The following DBF4 variants were observed in gnomAD, a reference collection of about 807,000 sequenced individuals.
The protein encoded by DBF4 is DBF4-CDC7 kinase regulatory subunit.
DBF4 carries 25 observed loss-of-function variants against 76.6 expected under a neutral mutation model. That is an observed-to-expected ratio of 0.33 (90% CI 0.24 to 0.46). The LOEUF (loss-of-function observed/expected upper bound fraction) is 0.46, where lower values mean the gene tolerates loss of function less well. Ranked by LOEUF, DBF4 falls within the 20% of genes least tolerant of loss-of-function variation. DBF4 has a pLI of 1.00. For synonymous variants in DBF4, 213 were observed against 258.0 expected, an observed-to-expected ratio of 0.83 and a Z score of 1.67; for missense variants, 638 against 760.8, an observed-to-expected ratio of 0.84 and a Z score of 1.90.
At position 87,895,874 on chromosome 7, in the gene DBF4, C is replaced by T. The variant is rs534006492; in HGVS notation, c.598-600C>T. Among the ~76,000 whole-genome samples the T allele has an allele frequency of 1.2e-4, 18 of 152,286 alleles. No individual in the cohort carries two copies. In the South Asian group the frequency reaches 3.5e-3, roughly 30 times the overall value. ...GAAAAGAAAATAATACAGGGATTCT[C>T]TTGGTATTTTTGGCCACTTGAACCT... On this transcript the variant is annotated intron_variant, in intron 6 of 11. Transcript: ENST00000265728.
chr7:87,908,778 A>T lies in DBF4; in HGVS notation c.*615A>T, dbSNP rs1839971203. The stretch of plus-strand genomic sequence containing the variant: ...ATTTTTAATTACTTACCTTGTAAAT[A>T]ACTTTAATAATATTCAAAAGTTGAC... On this transcript the variant is annotated 3_prime_UTR_variant, in exon 12 of 12. Transcript: ENST00000265728. 1.3e-5 allele frequency: 2 copies of T among 152,170 alleles called. No homozygotes were observed. Among genetic ancestry groups the T allele is most frequent in the South Asian group, 4.1e-4 (2 of 4,826 alleles). The allele number at this position is 152,170 out of a possible 1,614,324, so 9.4% of individuals were successfully genotyped here.
chr7:87,883,336 T>C (rs1839262491), intron 2 of DBF4, among the ~76,000 whole-genome samples: 1 of 152,160 alleles, frequency 6.6e-6, no homozygotes, highest in Non-Finnish European at 1.5e-5. Flanking sequence ...GGAAAAGTTA[T>C]AGAAATGTTT....
chr7:87,894,783 T>C (rs1021498260), intron 6 of DBF4, among the ~76,000 whole-genome samples: 1 of 152,224 alleles, frequency 6.6e-6, no homozygotes, highest in Non-Finnish European at 1.5e-5. Flanking sequence ...GTTACTCAAA[T>C]TGGTATTCAT....
At chr7:87,906,030 T>C (rs765793098) in intron 11 of DBF4, among the ~76,000 whole-genome samples, 26 of 151,440 alleles carry the variant, frequency 1.7e-4, no homozygotes, top group Non-Finnish European at 3.4e-4. Flanking sequence ...TGGTGGCACA[T>C]GCCTGTAGTC....
At position 87,897,295 on chromosome 7, in the gene DBF4, A is replaced by G. The variant is rs1412216739; in HGVS notation, c.636A>G (p.Thr212=). 2 of 1,611,826 alleles carry G rather than the reference A, an allele frequency of 1.2e-6. No homozygotes were observed. The highest frequency in any genetic ancestry group is 1.1e-5 in the South Asian group (1 of 90,802). The change falls in exon 8 of 12, where the codon ACA becomes ACG. Residue 212 remains threonine, a splice_region_variant and synonymous_variant. Coordinates refer to ENST00000265728, the MANE Select transcript of DBF4 (RefSeq NM_006716.4). The part of the protein sequence containing the change: ...RVGSGAQKTR[T]GRLKKPFVKV... ...TAATATGTTTTCTATGTTCTCAAGC[A>G]GGAAGACTCAAAAAGCCTTTTGTAA... is the stretch of plus-strand genomic sequence containing the variant.
chr7:87,876,863 C>T, intron 1 of DBF4, 85 bp downstream of exon 1: 1 of 1,464,382 alleles, frequency 6.8e-7, no homozygotes, highest in South Asian at 1.2e-5. Flanking sequence ...ACTTCTCCCG[C>T]CGGGTCCTCA....
intron 3 of DBF4, 131 bp from the exon 4 acceptor site, chr7:87,886,713 C>T: frequency 1.6e-6 from 1 of 619,744 alleles, no homozygotes; most frequent in Non-Finnish European, 2.8e-6. Flanking sequence ...ACTACAAAAC[C>T]AAAGAGGTCA....
chr7:87,898,615 C>T (rs562730775), intron 8 of DBF4, among the ~76,000 whole-genome samples: 20 of 151,940 alleles, frequency 1.3e-4, no homozygotes, highest in African/African-American at 4.6e-4. Flanking sequence ...TACGGTGAAA[C>T]CCTGTCTCTA....
At chr7:87,883,181 G>C (rs951991336) in intron 2 of DBF4, among the ~76,000 whole-genome samples, 1 of 151,966 alleles carries the variant, frequency 6.6e-6, no homozygotes, top group African/African-American at 2.4e-5. Flanking sequence ...AGTTACAAAA[G>C]AACAAATGTA....
Position 87,907,388 on chromosome 7 carries a change from C to T in DBF4, c.1250C>T (p.Pro417Leu). The change falls in exon 12 of 12, where the codon CCC (proline) becomes CTC (leucine). Residue 417 changes from proline to leucine, a missense_variant. Pro to Leu is a moderately conservative substitution (Grantham distance 98). Transcript: ENST00000265728. The stretch of plus-strand genomic sequence containing the variant: ...CTCCTGTTTATTTCAGAGCCCATCC[C>T]CCACCCTTCAAATGAATTGAGAGGG... ...KKLLFISEPI[P>L]HPSNELRGLN... is the part of the protein sequence containing the mutation. The T allele has an allele frequency of 6.2e-7, 1 of 1,614,004 alleles. No homozygotes were observed. The highest frequency in any genetic ancestry group is 8.5e-7 in the Non-Finnish European group (1 of 1,179,944).
At chr7:87,882,593 TA>T (rs1839244219) in intron 2 of DBF4, among the ~76,000 whole-genome samples, 1 of 152,154 alleles carries the variant, frequency 6.6e-6, no homozygotes. Flanking sequence ...CCAGAATACT[TA>T]TATAAAGAAC....
chr7:87,897,961 A>G (rs1440290835), intron 8 of DBF4, among the ~76,000 whole-genome samples: 1 of 152,066 alleles, frequency 6.6e-6, no homozygotes, highest in Non-Finnish European at 1.5e-5. Context: ...TATTTTTAGT[A>G]GAGATGGGGT....
At chr7:87,897,087 T>C (rs1278056095) in intron 7 of DBF4, among the ~76,000 whole-genome samples, 1 of 152,238 alleles carries the variant, frequency 6.6e-6, no homozygotes, top group Non-Finnish European at 1.5e-5. Context: ...GGGTTCCATT[T>C]AGTTTAAGAA....
intron 2 of DBF4, among the ~76,000 whole-genome samples, 163 bp from the exon 3 acceptor site, chr7:87,884,816 A>G (rs762437892): frequency 2.0e-5 from 3 of 152,208 alleles, no homozygotes; most frequent in Non-Finnish European, 4.4e-5. Flanking sequence ...ATGTGCCTAT[A>G]GTCCCAGCTG....
intron 10 of DBF4, among the ~76,000 whole-genome samples, chr7:87,903,921 C>G (rs942423816): frequency 2.0e-5 from 3 of 152,184 alleles, no homozygotes; most frequent in Middle Eastern, 3.4e-3. Context: ...GTCTCAAACT[C>G]CTGACCTCGG....
chr7:87,885,071 T>G lies in DBF4; in HGVS notation c.312T>G (p.Pro104=). 6.2e-7 allele frequency: 1 copy of G among 1,614,002 alleles called. No individual in the cohort carries two copies. Residue 104 remains proline, a synonymous_variant, in exon 3 of 12, where the codon CCT becomes CCG. Coordinates refer to ENST00000265728, the MANE Select transcript of DBF4 (RefSeq NM_006716.4). ...KFAQTLGRIS[P]VPSPESAYTA... ...CACAAACCTTGGGTCGAATTTCTCC[T>G]GTACCAAGTCCAGAATCTGCATATA...
intron 2 of DBF4, among the ~76,000 whole-genome samples, chr7:87,881,437 T>G (rs1319683149): frequency 6.6e-6 from 1 of 152,114 alleles, no homozygotes; most frequent in Non-Finnish European, 1.5e-5. Flanking sequence ...AATGAATCCT[T>G]ATGTCCATCC....
chr7:87,876,627 GGA>G lies in DBF4; in HGVS notation c.-100_-99del. ...TGCGTAGAGGCCGTAGCTGGCGGAA[GGA>G]GAGAGGCGGCCGTCCTGTCAACAGG... On this transcript the variant is annotated 5_prime_UTR_variant, in exon 1 of 12. Coordinates refer to ENST00000265728, the MANE Select transcript of DBF4 (RefSeq NM_006716.4). 7.8e-7 allele frequency: 1 copy of G among 1,276,890 alleles called. No individual in the cohort carries two copies. The highest frequency in any genetic ancestry group is 1.1e-6 in the Non-Finnish European group (1 of 895,538). 79.1% of individuals were successfully genotyped at this position (1,276,890 alleles called of 1,614,324 possible).
In DBF4 at chr7:87,895,962, A is replaced by G. The variant is rs1562763224; in HGVS notation, c.598-512A>G. ...AGCTGCTGGCTCTGCCACTGCTGCTAACTCCATGACTGAAGGTTCCAGTTT... is the reference window on the plus strand; with the variant it reads ...AGCTGCTGGCTCTGCCACTGCTGCTGACTCCATGACTGAAGGTTCCAGTTT... On this transcript the variant is annotated intron_variant, in intron 6 of 11. Transcript: ENST00000265728. Among the ~76,000 whole-genome samples, 4 of 152,216 alleles carry G rather than the reference A, an allele frequency of 2.6e-5. No individual in the cohort carries two copies. The South Asian group carries it at 8.3e-4, about 32-fold the overall frequency.
Sources: allele counts gnomAD v4.1 joint callset (sites outside exome capture counted in the v4.1 genomes callset), GRCh38; gene constraint gnomAD v4.1.1; transcripts MANE v1.5; gene names NCBI Gene and HGNC (gene_info 2026-07-23, HGNC 2026-07-21).